RBFOX1: variants seen among roughly 807,000 people sequenced by gnomAD.
The protein encoded by RBFOX1 is RNA binding fox-1 homolog 1.
In RBFOX1, 8 loss-of-function variants were observed where a neutral mutation model predicts 57.7. That is an observed-to-expected ratio of 0.14 (90% CI 0.08 to 0.25). The LOEUF (loss-of-function observed/expected upper bound fraction) is 0.25. RBFOX1 is among the 10% of genes least tolerant of loss of function. The pLI is 1.00. For missense variants in RBFOX1, 611 were observed against 548.5 expected (o/e 1.11, Z -1.14); for synonymous variants, 326 against 222.4 (o/e 1.47, Z -4.15).
intron 2 of RBFOX1, among the ~76,000 whole-genome samples, chr16:6,627,324 C>T (rs1276319935): frequency 6.6e-6 from 1 of 152,190 alleles, no homozygotes; most frequent in Non-Finnish European, 1.5e-5. Flanking sequence ...ACCTTACCTA[C>T]TCTAGGTGAG....
chr16:6,139,003 T>C (rs1025275132), intron 1 of RBFOX1, among the ~76,000 whole-genome samples: 3 of 152,220 alleles, frequency 2.0e-5, no homozygotes, highest in Non-Finnish European at 4.4e-5. Context: ...GCAGAGATTG[T>C]GGGGCACCAT....
At chr16:5,516,243 C>G (rs1462119346) in intron 2 of RBFOX1, among the ~76,000 whole-genome samples, 2 of 152,170 alleles carry the variant, frequency 1.3e-5, no homozygotes, top group Non-Finnish European at 2.9e-5. Context: ...CTTCCTGTCT[C>G]CCATCACTTT....
chr16:6,941,631 T>G (rs1342000337), intron 3 of RBFOX1, among the ~76,000 whole-genome samples: 3 of 151,784 alleles, frequency 2.0e-5, no homozygotes, highest in Non-Finnish European at 4.4e-5. Context: ...TCATACCTGT[T>G]GAATATTATA....
chr16:6,711,583 C>G (rs187119033), intron 3 of RBFOX1, among the ~76,000 whole-genome samples: 7 of 152,316 alleles, frequency 4.6e-5, no homozygotes, highest in Admixed American at 2.0e-4. Flanking sequence ...TCTCCTGACA[C>G]CATGTAAGAC....
intron 3 of RBFOX1, among the ~76,000 whole-genome samples, chr16:6,669,147 C>T (rs2098749521): frequency 6.6e-6 from 1 of 151,918 alleles, no homozygotes. Context: ...TGATCAAGGT[C>T]AGAAAACCCA....
At chr16:5,956,676 A>ATTTTTTTTTTTT (rs1416211761) in intron 4 of RBFOX1, among the ~76,000 whole-genome samples, 2 of 104,086 alleles carry the variant, frequency 1.9e-5, no homozygotes, top group South Asian at 3.0e-4. Flanking sequence ...ATATATATAT[A>ATTTTTTTTTTTT]TATTTTTTTT....
intron 3 of RBFOX1, among the ~76,000 whole-genome samples, chr16:5,611,042 T>A (rs2047765636): frequency 6.6e-6 from 1 of 152,120 alleles, no homozygotes; most frequent in African/African-American, 2.4e-5. Context: ...GCCTAGTCTG[T>A]TTCCATATCT....
intron 1 of RBFOX1, among the ~76,000 whole-genome samples, chr16:6,196,560 C>A (rs2152820977): frequency 6.6e-6 from 1 of 152,202 alleles, no homozygotes; most frequent in Non-Finnish European, 1.5e-5. Flanking sequence ...AAAGCCAAAT[C>A]CACCCCCCAA....
intron 1 of RBFOX1, among the ~76,000 whole-genome samples, chr16:6,045,327 G>C (rs1237103425): frequency 6.6e-6 from 1 of 152,160 alleles, no homozygotes; most frequent in Non-Finnish European, 1.5e-5. Context: ...GTTAATGCTT[G>C]GGTGTTTGGT....
At position 6,513,460 on chromosome 16, in the gene RBFOX1, G is replaced by A. The variant is rs910632800; in HGVS notation, c.-63-141143G>A. ...AAGTTTGGAGACCATGAGGCCGGGC[G>A]CGGTGGCTCACGTCTGTAATCTCAT... is the stretch of plus-strand genomic sequence containing the variant. On this transcript the variant is annotated intron_variant, in intron 2 of 15. Coordinates refer to ENST00000550418, the MANE Select transcript of RBFOX1 (RefSeq NM_018723.4). Among the ~76,000 whole-genome samples, 11 of 152,168 alleles carry A rather than the reference G, an allele frequency of 7.2e-5. 1 individual carries two copies. Among genetic ancestry groups the A allele is most frequent in the South Asian group, 4.1e-4 (2 of 4,824 alleles).
intron 3 of RBFOX1, among the ~76,000 whole-genome samples, chr16:6,716,802 T>A (rs138985961): frequency 0.016 from 2,485 of 152,152 alleles, 26 homozygotes; most frequent in Non-Finnish European, 0.026. Context: ...TAACAGGATA[T>A]AAGTTTGGGA....
At chr16:5,896,343 A>G (rs1037425843) in intron 4 of RBFOX1, among the ~76,000 whole-genome samples, 1 of 152,124 alleles carries the variant, frequency 6.6e-6, no homozygotes, top group Non-Finnish European at 1.5e-5. Flanking sequence ...TCATGAATAT[A>G]TTAATCCCCT....
chr16:7,661,359 TC>T (rs1343457377), intron 12 of RBFOX1, among the ~76,000 whole-genome samples: 6 of 152,008 alleles, frequency 3.9e-5, no homozygotes, highest in Non-Finnish European at 8.8e-5. Context: ...CTTATACGTT[TC>T]CCCCCAGCCC....
chr16:7,558,877 G>A (rs997217207), intron 5 of RBFOX1, among the ~76,000 whole-genome samples: 1 of 152,236 alleles, frequency 6.6e-6, no homozygotes, highest in African/African-American at 2.4e-5. Flanking sequence ...TCTGAAAAAT[G>A]TAGATGGGAT....
At chr16:7,298,396 C>G (rs1475630380) in intron 4 of RBFOX1, among the ~76,000 whole-genome samples, 10 of 142,186 alleles carry the variant, frequency 7.0e-5, no homozygotes. Flanking sequence ...TCAAGTGATT[C>G]TCATGCGTCT....
intron 14 of RBFOX1, among the ~76,000 whole-genome samples, chr16:7,690,438 A>G (rs1402179703): frequency 1.3e-5 from 2 of 152,140 alleles, no homozygotes; most frequent in African/African-American, 4.8e-5. Flanking sequence ...CCAATTATTT[A>G]CAATGTGCAG....
intron 2 of RBFOX1, among the ~76,000 whole-genome samples, chr16:6,522,424 A>G (rs1375372559): frequency 1.3e-5 from 2 of 152,144 alleles, no homozygotes; most frequent in African/African-American, 4.8e-5. Flanking sequence ...ATGCCATCGT[A>G]TTGGGAAGAT....
chr16:6,594,999 G>A (rs983922378), intron 2 of RBFOX1, among the ~76,000 whole-genome samples: 1 of 152,108 alleles, frequency 6.6e-6, no homozygotes, highest in South Asian at 2.1e-4. Context: ...GTGTTGGCCA[G>A]GCTGGTCTTG....
chr16:6,607,213 C>T (rs2097945723), intron 2 of RBFOX1, among the ~76,000 whole-genome samples: 1 of 152,040 alleles, frequency 6.6e-6, no homozygotes, highest in African/African-American at 2.4e-5. Flanking sequence ...GGGACAATGA[C>T]AGAAAGATAT....
Sources: allele counts gnomAD v4.1 joint callset (sites outside exome capture counted in the v4.1 genomes callset), GRCh38; gene constraint gnomAD v4.1.1; transcripts MANE v1.5; gene names NCBI Gene and HGNC (gene_info 2026-07-23, HGNC 2026-07-21).